ZNF227: variants seen among roughly 807,000 people sequenced by gnomAD.
The protein encoded by ZNF227 is zinc finger protein 227.
In ZNF227, 12 loss-of-function variants were observed where a neutral mutation model predicts 13.2. That is an observed-to-expected ratio of 0.91 (90% confidence interval 0.58 to 1.47). The LOEUF (loss-of-function observed/expected upper bound fraction) is 1.47. ZNF227 is among the 40% of genes most tolerant of loss of function. The pLI, the probability that ZNF227 is intolerant of heterozygous loss-of-function variation, is 0.00. For missense variants in ZNF227, 885 were observed against 967.5 expected (o/e 0.91, Z 1.13); for synonymous variants, 338 against 326.0 (o/e 1.04, Z -0.40).
upstream of ZNF227, among the ~76,000 whole-genome samples, chr19:44,208,523 A>T (rs891724174): frequency 1.3e-5 from 2 of 152,210 alleles, no homozygotes; most frequent in Non-Finnish European, 2.9e-5. Flanking sequence ...CTAGAGGCTT[A>T]CATAGCCGCT....
chr19:44,218,152 T>A (rs1972087077), intron 3 of ZNF227, among the ~76,000 whole-genome samples: 1 of 152,226 alleles, frequency 6.6e-6, no homozygotes, highest in African/African-American at 2.4e-5. Flanking sequence ...CTTGAGTAGA[T>A]GAAATTTTCA....
Position 44,237,223 on chromosome 19 carries a change from C to T in ZNF227, c.*393C>T. The T allele has an allele frequency of 6.1e-6, 1 of 164,432 alleles. No homozygotes were observed. The highest frequency in any genetic ancestry group is 1.3e-5 in the Non-Finnish European group (1 of 76,234). The allele number at this position is 164,432 out of a possible 1,614,324, so 10.2% of individuals were successfully genotyped here. On this transcript the variant is annotated 3_prime_UTR_variant, in exon 6 of 6. Transcript: ENST00000313040. ...ACAGTGATCATTATTTTCATAAAAG[C>T]TGTAAAGCTATGAAAAATGAATAAA... is the stretch of plus-strand genomic sequence containing the variant.
upstream of ZNF227, among the ~76,000 whole-genome samples, chr19:44,208,776 T>A (rs1054461325): frequency 6.6e-6 from 1 of 152,224 alleles, no homozygotes; most frequent in Non-Finnish European, 1.5e-5. Flanking sequence ...GGAAGTCTTT[T>A]TCTATCAGGT....
intron 3 of ZNF227, among the ~76,000 whole-genome samples, chr19:44,223,634 G>A (rs1972782025): frequency 6.6e-6 from 1 of 152,038 alleles, no homozygotes; most frequent in Admixed American, 6.6e-5. Flanking sequence ...TTTTTATTGG[G>A]TCTATTTGAT....
intron 4 of ZNF227, among the ~76,000 whole-genome samples, chr19:44,229,361 C>T (rs1973529555): frequency 6.6e-6 from 1 of 152,164 alleles, no homozygotes; most frequent in Non-Finnish European, 1.5e-5. Flanking sequence ...CCTTTAATTG[C>T]AGCAATACGG....
chr19:44,232,195 C>T (rs1973906176), intron 5 of ZNF227, among the ~76,000 whole-genome samples: 1 of 152,190 alleles, frequency 6.6e-6, no homozygotes. Context: ...GTGTAATTTG[C>T]ATCCACATGT....
At position 44,236,108 on chromosome 19, in the gene ZNF227, A is replaced by G; in HGVS notation, c.1678A>G (p.Ser560Gly). 1 of 1,614,040 alleles carries G rather than the reference A, an allele frequency of 6.2e-7. No individual in the cohort carries two copies. The highest frequency in any genetic ancestry group is 8.5e-7 in the Non-Finnish European group (1 of 1,179,964). ...CDVCGKDFSY[S>G]SNLKLHQVIH... Reference sequence around the variant, plus strand: ...TGTGTGTGGTAAGGACTTCAGTTATAGTTCAAATCTTAAACTACACCAAGT... The same window carrying G: ...TGTGTGTGGTAAGGACTTCAGTTATGGTTCAAATCTTAAACTACACCAAGT... The change falls in exon 6 of 6, where the codon AGT becomes GGT. Residue 560 changes from serine (S) to glycine (G), a missense_variant. By Grantham distance (56) the Ser-to-Gly change is moderately conservative. Transcript: ENST00000313040.
At chr19:44,217,335 A>C in intron 2 of ZNF227, 1 of 424,784 alleles carries the variant, frequency 2.4e-6, no homozygotes, top group Non-Finnish European at 4.6e-6. Flanking sequence ...GGTTCTTAGA[A>C]CTCTCCATCT....
rs569802160 is a variant in ZNF227 at position 44,219,002 on chromosome 19, C to T, written c.60+1150C>T. ...TCCCAGGTTCAAGCGATTCTCCTGC[C>T]TCAGCCTCCCAAGTAGCTGGGATTA... is the stretch of plus-strand genomic sequence containing the variant. On this transcript the variant is annotated intron_variant, in intron 3 of 5. Coordinates refer to ENST00000313040, the MANE Select transcript of ZNF227 (RefSeq NM_182490.3). 4.6e-5 allele frequency among the ~76,000 whole-genome samples: 7 copies of T among 152,356 alleles called. No homozygotes were observed. In the East Asian group the frequency reaches 1.3e-3, roughly 29 times the overall value.
chr19:44,218,547 T>C (rs182089849), intron 3 of ZNF227, among the ~76,000 whole-genome samples: 56 of 152,376 alleles, frequency 3.7e-4, no homozygotes, highest in African/African-American at 1.2e-3. Flanking sequence ...TTCCCGTTTA[T>C]GTTTTTATCA....
Position 44,234,969 on chromosome 19 carries a change from A to C in ZNF227, c.539A>C (p.Asn180Thr), listed in dbSNP as rs1011984749. Residue 180 changes from asparagine to threonine, a missense_variant, in exon 6 of 6, where the codon AAT (asparagine) becomes ACT (threonine). Asn to Thr is a moderately conservative substitution (Grantham distance 65). Coordinates refer to ENST00000313040, the MANE Select transcript of ZNF227 (RefSeq NM_182490.3). ...TGGAGAACCCAGCATTCTTGCGGGA[A>C]TACATATCTGAGTGAGTCACAGATT... ...PFWRTQHSCG[N>T]TYLSESQIQS... 9.3e-6 allele frequency: 15 copies of C among 1,614,150 alleles called. No individual in the cohort carries two copies. Among genetic ancestry groups the C allele is most frequent in the Non-Finnish European group, 1.2e-5 (14 of 1,180,030 alleles).
chr19:44,216,652 A>G (rs1177774076), intron 2 of ZNF227, among the ~76,000 whole-genome samples: 1 of 147,084 alleles, frequency 6.8e-6, no homozygotes, highest in East Asian at 2.0e-4. Context: ...AAGCCTCTCA[A>G]TTTATCTTTC....
intron 3 of ZNF227, 112 bp from the exon 4 acceptor site, chr19:44,228,334 T>C (rs984089424): frequency 1.6e-6 from 2 of 1,227,934 alleles, no homozygotes; most frequent in East Asian, 2.5e-5. Flanking sequence ...TTGACTGAGA[T>C]CTCTTGGAAT....
At chr19:44,211,813 C>CT (rs1176772105), upstream of ZNF227, among the ~76,000 whole-genome samples, 10,470 of 119,562 alleles carry the variant, frequency 0.088, 470 homozygotes, top group Non-Finnish European at 0.1. Flanking sequence ...TTCCTCTGCC[C>CT]TTTTTTTTTT....
intron 5 of ZNF227, among the ~76,000 whole-genome samples, chr19:44,231,924 A>G (rs1568611177): frequency 6.6e-6 from 1 of 152,222 alleles, no homozygotes; most frequent in Admixed American, 6.5e-5. Flanking sequence ...GGCAGGTATT[A>G]TAGTTCATCA....
At position 44,234,690 on chromosome 19, in the gene ZNF227, C is replaced by CT; in HGVS notation, c.272-6dup. 1 of 1,557,224 alleles carries CT rather than the reference C, an allele frequency of 6.4e-7. No individual in the cohort carries two copies. Among genetic ancestry groups the CT allele is most frequent in the Non-Finnish European group, 8.6e-7 (1 of 1,158,984 alleles). ...CTCATCTCTAAATATTGCCTTTTTT[C>CT]TTTTTTAATAGGCAGCAAGCATCAA... On this transcript the variant is annotated splice_polypyrimidine_tract_variant and intron_variant, in intron 5 of 5. Coordinates refer to ENST00000313040, the MANE Select transcript of ZNF227 (RefSeq NM_182490.3).
At position 44,235,016 on chromosome 19, in the gene ZNF227, G is replaced by T; in HGVS notation, c.586G>T (p.Asp196Tyr). 1 of 1,614,080 alleles carries T rather than the reference G, an allele frequency of 6.2e-7. No individual in the cohort carries two copies. The highest frequency in any genetic ancestry group is 8.5e-7 in the Non-Finnish European group (1 of 1,180,020). ...SQIQSRGKQIDVKNNLQIHED... is the reference protein window; with the variant it reads ...SQIQSRGKQIYVKNNLQIHED... ...GATTCAGAGTAGAGGTAAGCAAATTGATGTGAAAAATAACCTGCAAATACA... is the reference window on the plus strand; with the variant it reads ...GATTCAGAGTAGAGGTAAGCAAATTTATGTGAAAAATAACCTGCAAATACA... Residue 196 changes from aspartate (D) to tyrosine (Y), a missense_variant, in exon 6 of 6, where the codon GAT becomes TAT. By Grantham distance (160) the Asp-to-Tyr change is radical (BLOSUM62 -3). Transcript: ENST00000313040.
rs1216103014 is a variant in ZNF227 at position 44,236,074 on chromosome 19, T to G, written c.1644T>G (p.Tyr548Ter). The change falls in exon 6 of 6, where the codon TAT becomes TAG. Residue 548 changes from tyrosine (Y) to a stop codon, truncating the protein, a stop_gained. Coordinates refer to ENST00000313040, the MANE Select transcript of ZNF227 (RefSeq NM_182490.3). LOFTEE classifies it low-confidence loss of function (END_TRUNC). ...HQRVHTGEKP[Y>*]RCDVCGKDFS... is the part of the protein sequence containing the mutation. ...GAGTCCACACTGGAGAGAAACCATA[T>G]AGATGTGATGTGTGTGGTAAGGACT... 1 of 1,612,240 alleles carries G rather than the reference T, an allele frequency of 6.2e-7. No individual in the cohort carries two copies. Among genetic ancestry groups the G allele is most frequent in the Non-Finnish European group, 8.5e-7 (1 of 1,179,492 alleles).
At chr19:44,219,135 C>G (rs1972182833) in intron 3 of ZNF227, among the ~76,000 whole-genome samples, 1 of 152,206 alleles carries the variant, frequency 6.6e-6, no homozygotes, top group African/African-American at 2.4e-5. Context: ...GATCCACCCA[C>G]TTCGGCCTCC....
Sources: gnomAD v4.1 joint callset for allele counts (sites outside exome capture counted in the v4.1 genomes callset) on GRCh38, gnomAD v4.1.1 for gene constraint, MANE v1.5 for transcripts, NCBI Gene and HGNC (gene_info 2026-07-23, HGNC 2026-07-21) for gene names.